Variants in COL25A1 observed in about 807,000 individuals in gnomAD.
COL25A1 encodes collagen alpha-1(XXV) chain.
Under a neutral mutation model 128.4 loss-of-function variants are expected in COL25A1, and 103 were observed. The ratio of observed to expected loss-of-function variants is 0.80; its 90% CI spans 0.68 to 0.94. The LOEUF (loss-of-function observed/expected upper bound fraction) is 0.94. COL25A1 is among the 40% of genes least tolerant of loss of function. COL25A1 has a pLI of 0.00. For missense variants in COL25A1, 745 were observed against 840.0 expected (o/e 0.89, Z 1.40); for synonymous variants, 279 against 277.2 (o/e 1.01, Z -0.06).
rs1310072065 is a variant in COL25A1 at position 108,809,795 on chromosome 4, C to T, written c.*4132G>A. 6.6e-6 allele frequency: 1 copy of T among 151,866 alleles called. No homozygotes were observed. The highest frequency in any genetic ancestry group is 1.9e-4 in the East Asian group (1 of 5,196). 9.4% of individuals were successfully genotyped at this position (151,866 alleles called of 1,614,324 possible). A position where few individuals can be genotyped will look rare whatever the true frequency, so the allele number is the denominator to read the frequency against. ...GACTGACAGTCCTCCTAGCCTAAAA[C>T]AATTTAGCATAATCATAATTGGTCA... On this transcript the variant is annotated 3_prime_UTR_variant, in exon 38 of 38. Transcript: ENST00000399132.
In COL25A1 at chr4:108,880,774, C is replaced by T. The variant is rs948340976; in HGVS notation, c.1020+3404G>A. Among the ~76,000 whole-genome samples the T allele has an allele frequency of 2.0e-5, 3 of 152,120 alleles. No individual in the cohort carries two copies. The South Asian group carries it at 6.2e-4, about 32-fold the overall frequency. On this transcript the variant is annotated intron_variant, in intron 19 of 37. Transcript: ENST00000399132. ...TGGTCTGTTATGAAGTCTGCTCTATCCTGCTTACTGCTAGGGCAACATAAC... is the reference window on the plus strand; with the variant it reads ...TGGTCTGTTATGAAGTCTGCTCTATTCTGCTTACTGCTAGGGCAACATAAC...
chr4:108,837,868 G>A (rs1403820032), intron 31 of COL25A1, among the ~76,000 whole-genome samples: 2 of 152,224 alleles, frequency 1.3e-5, no homozygotes, highest in Admixed American at 1.3e-4. Flanking sequence ...TGGCATGTAT[G>A]TAATTGAAGA....
In COL25A1 at chr4:108,969,065, A is replaced by G. The variant is rs376520426; in HGVS notation, c.492+5302T>C. ...TCCTCAGTGTCAGCTGAATAGGGAC[A>G]CTTGTTCAAGTGTCCTCAAGACTCC... On this transcript the variant is annotated intron_variant, in intron 8 of 37. Transcript: ENST00000399132. Among the ~76,000 whole-genome samples the G allele has an allele frequency of 2.3e-4, 35 of 152,268 alleles. No individual in the cohort carries two copies. The East Asian group carries it at 4.6e-3, about 20-fold the overall frequency.
rs551432531 is a variant in COL25A1, at chr4:109,183,881, T to C, written c.367+116702A>G. Among the ~76,000 whole-genome samples the C allele has an allele frequency of 4.8e-5, 7 of 147,366 alleles. No homozygotes were observed. The East Asian group carries it at 1.2e-3, about 25-fold the overall frequency. ...CTGATGTTTAAACTTAAAATATTTATGAAGCCCATATTACTTATACCTTTA... is the reference window on the plus strand; with the variant it reads ...CTGATGTTTAAACTTAAAATATTTACGAAGCCCATATTACTTATACCTTTA... On this transcript the variant is annotated intron_variant, in intron 3 of 37. Coordinates refer to ENST00000399132, the MANE Select transcript of COL25A1 (RefSeq NM_198721.4).
chr4:109,243,998 G>A (rs886704980), intron 3 of COL25A1, among the ~76,000 whole-genome samples: 2 of 151,768 alleles, frequency 1.3e-5, no homozygotes, highest in African/African-American at 4.8e-5. Context: ...GTAGATAAAG[G>A]TTCTTTTCTA....
intron 3 of COL25A1, among the ~76,000 whole-genome samples, chr4:109,130,160 C>G (rs1769046393): frequency 1.3e-5 from 2 of 152,032 alleles, no homozygotes; most frequent in African/African-American, 2.4e-5. Context: ...TAAAATCCCT[C>G]TAGACTGTGG....
intron 19 of COL25A1, among the ~76,000 whole-genome samples, chr4:108,879,731 G>T (rs559595175): frequency 6.6e-6 from 1 of 152,068 alleles, no homozygotes; most frequent in Non-Finnish European, 1.5e-5. Context: ...ACAGGCGTGA[G>T]CCACCGTGCC....
intron 33 of COL25A1, 52 bp from the exon 34 acceptor site, chr4:108,825,274 A>G: frequency 6.9e-7 from 1 of 1,454,760 alleles, no homozygotes; most frequent in South Asian, 1.1e-5. Flanking sequence ...TTGTGAATAG[A>G]TTATTGCTTT....
At chr4:109,105,439 A>C (rs1253424688) in intron 3 of COL25A1, among the ~76,000 whole-genome samples, 1 of 152,182 alleles carries the variant, frequency 6.6e-6, no homozygotes, top group Non-Finnish European at 1.5e-5. Flanking sequence ...GTGCCACTGC[A>C]CTCCAGCTTG....
At chr4:109,058,187 A>G (rs1761620960) in intron 3 of COL25A1, among the ~76,000 whole-genome samples, 1 of 152,212 alleles carries the variant, frequency 6.6e-6, no homozygotes, top group Non-Finnish European at 1.5e-5. Context: ...TGTTATTTCT[A>G]TCATTCTTTT....
chr4:109,107,855 C>T (rs1284768597), intron 3 of COL25A1, among the ~76,000 whole-genome samples: 3 of 152,190 alleles, frequency 2.0e-5, no homozygotes, highest in Non-Finnish European at 4.4e-5. Flanking sequence ...GTGGGCACCT[C>T]GTGTATACAC....
At chr4:108,976,840 A>ATAAC (rs1752486890) in intron 6 of COL25A1, among the ~76,000 whole-genome samples, 1 of 152,250 alleles carries the variant, frequency 6.6e-6, no homozygotes, top group Non-Finnish European at 1.5e-5. Context: ...AAAATTACTA[A>ATAAC]TAACTACATC....
At chr4:109,214,037 C>A (rs183587417) in intron 3 of COL25A1, among the ~76,000 whole-genome samples, 1 of 152,154 alleles carries the variant, frequency 6.6e-6, no homozygotes, top group East Asian at 1.9e-4. Flanking sequence ...CCTCAACCCA[C>A]CCTCAGCCGT....
intron 29 of COL25A1, 125 bp from the exon 30 acceptor site, chr4:108,844,694 A>C: frequency 7.5e-7 from 1 of 1,334,848 alleles, no homozygotes; most frequent in Non-Finnish European, 1.0e-6. Flanking sequence ...ATACTAGAAT[A>C]AGTGATGTGT....
intron 3 of COL25A1, among the ~76,000 whole-genome samples, chr4:109,084,936 T>C (rs1473278210): frequency 1.3e-5 from 2 of 152,232 alleles, no homozygotes; most frequent in African/African-American, 4.8e-5. Context: ...TTTTTATCCC[T>C]ACAATTCCAA....
chr4:109,060,400 C>T (rs1761856121), intron 3 of COL25A1, among the ~76,000 whole-genome samples: 1 of 152,140 alleles, frequency 6.6e-6, no homozygotes, highest in East Asian at 1.9e-4. Flanking sequence ...TTGACCCCCA[C>T]CTCATTGCCC....
chr4:109,108,856 A>C (rs1766714367), intron 3 of COL25A1, among the ~76,000 whole-genome samples: 1 of 152,172 alleles, frequency 6.6e-6, no homozygotes, highest in African/African-American at 2.4e-5. Context: ...ATAGTGTAAA[A>C]ATAATTTTTG....
At chr4:109,082,275 A>G (rs1763914935) in intron 3 of COL25A1, among the ~76,000 whole-genome samples, 1 of 152,206 alleles carries the variant, frequency 6.6e-6, no homozygotes, top group Non-Finnish European at 1.5e-5. Context: ...ACATTTCTGT[A>G]CAAGTTTTTG....
intron 36 of COL25A1, among the ~76,000 whole-genome samples, chr4:108,818,850 C>T (rs918724518): frequency 2.2e-5 from 3 of 135,920 alleles, no homozygotes. Context: ...GCGAAAAAGG[C>T]AGAAATACCT....
Sources: allele counts gnomAD v4.1 joint callset (sites outside exome capture counted in the v4.1 genomes callset), GRCh38; gene constraint gnomAD v4.1.1; transcripts MANE v1.5; gene names NCBI Gene and HGNC (gene_info 2026-07-23, HGNC 2026-07-21).